POLR1C: variants seen among roughly 807,000 people sequenced by gnomAD.
The protein encoded by POLR1C is DNA-directed RNA polymerases I and III subunit RPAC1.
A neutral mutation model predicts 38.3 loss-of-function variants in POLR1C; 42 were observed. The ratio of observed to expected loss-of-function variants is 1.10; its 90% CI spans 0.86 to 1.42. The LOEUF is 1.42. POLR1C is among the 40% of genes most tolerant of loss of function. The probability of loss-of-function intolerance (pLI) is 0.00; values close to 1 mark genes in which losing one functional copy is unlikely to be tolerated. For missense variants in POLR1C, 507 were observed against 450.5 expected (o/e 1.13, Z -1.14); for synonymous variants, 163 against 163.9 (o/e 0.99, Z 0.04).
chr6:43,543,903 T>C (rs1357197723), intron 9 of POLR1C, among the ~76,000 whole-genome samples: 1 of 152,126 alleles, frequency 6.6e-6, no homozygotes, highest in Non-Finnish European at 1.5e-5. Flanking sequence ...TCTCGAACTG[T>C]TGACCTTAAG....
At chr6:43,523,690 AG>A, downstream of POLR1C, 2 of 948,244 alleles carry the variant, frequency 2.1e-6, no homozygotes, top group Non-Finnish European at 3.5e-6. Context: ...TTGATACTTT[AG>A]TATAATTACT....
chr6:43,532,962 T>C (rs551753065), downstream of POLR1C, among the ~76,000 whole-genome samples: 46 of 152,034 alleles, frequency 3.0e-4, no homozygotes, highest in Non-Finnish European at 6.2e-4. Flanking sequence ...CTAGCCAACA[T>C]GGTGAAACCC....
intron 10 of POLR1C, chr6:43,560,164 T>A: frequency 6.2e-7 from 1 of 1,611,184 alleles, no homozygotes; most frequent in Non-Finnish European, 8.5e-7. Flanking sequence ...CATGTTTAGA[T>A]TCCCATTATA....
intron 9 of POLR1C, among the ~76,000 whole-genome samples, chr6:43,535,949 CCTGTCT>C (rs1203165114): frequency 3.3e-5 from 5 of 151,738 alleles, no homozygotes; most frequent in Non-Finnish European, 7.4e-5. Context: ...ATGGTGAAAC[CCTGTCT>C]CTACTAAAAA....
intron 10 of POLR1C, chr6:43,560,828 C>T: frequency 1.9e-6 from 2 of 1,059,378 alleles, no homozygotes; most frequent in Non-Finnish European, 2.9e-6. Flanking sequence ...TGAAGAGTCA[C>T]ATTTTATACA....
intron 9 of POLR1C, among the ~76,000 whole-genome samples, chr6:43,549,225 C>A (rs1207957874): frequency 6.6e-6 from 1 of 152,100 alleles, no homozygotes; most frequent in Non-Finnish European, 1.5e-5. Context: ...CCATGCCCAG[C>A]TAATTTTTTT....
chr6:43,537,286 T>C (rs536052316), intron 9 of POLR1C, among the ~76,000 whole-genome samples: 1 of 152,250 alleles, frequency 6.6e-6, no homozygotes, highest in Non-Finnish European at 1.5e-5. Context: ...TTTTCTAACT[T>C]TCATTACTTC....
At chr6:43,518,042 C>T (rs1360060952) in intron 2 of POLR1C, among the ~76,000 whole-genome samples, 6 of 151,978 alleles carry the variant, frequency 3.9e-5, no homozygotes, top group African/African-American at 9.7e-5. Context: ...AAAATTATGG[C>T]TTGTGTGAAG....
Position 43,520,651 on chromosome 6 carries a change from G to C in POLR1C, c.682G>C (p.Val228Leu). ...CAAAGATCATGCCAAGTTTTCACCA[G>C]TGGCAACAGCCAGTTACAGGCTCCT... ...IGKDHAKFSP[V>L]ATASYRLLPD... Residue 228 changes from valine (V) to leucine (L), a missense_variant, in exon 7 of 9, where the codon GTG becomes CTG. Coordinates refer to ENST00000642195, the MANE Select transcript of POLR1C (RefSeq NM_203290.4). 1 of 1,614,180 alleles carries C rather than the reference G, an allele frequency of 6.2e-7. No individual in the cohort carries two copies.
downstream of POLR1C, chr6:43,529,729 G>A (rs1460879379): frequency 1.2e-5 from 2 of 160,294 alleles, no homozygotes; most frequent in East Asian, 1.9e-4. Flanking sequence ...AGACCACCCT[G>A]GGGAACATAA....
At position 43,527,795 on chromosome 6, in the gene POLR1C, G is replaced by T; in HGVS notation, c.923-1454G>T. ...GAAAAGGAAGGACAAGGAAAGCAGCGACCCTAATCAGACTCTCTCTGACCA... is the reference window on the plus strand; with the variant it reads ...GAAAAGGAAGGACAAGGAAAGCAGCTACCCTAATCAGACTCTCTCTGACCA... On this transcript the variant is annotated intron_variant, in intron 8 of 8. Coordinates refer to the POLR1C transcript ENST00000304004. 4 of 1,561,638 alleles carry T rather than the reference G, an allele frequency of 2.6e-6. No homozygotes were observed. In the South Asian group the frequency reaches 3.4e-5, roughly 13 times the overall value.
chr6:43,562,007 T>C (rs1762442805), exon 11 of POLR1C: 1 of 349,850 alleles, frequency 2.9e-6, no homozygotes, highest in Non-Finnish European at 5.1e-6. Flanking sequence ...GTTGACTTTA[T>C]GGAATAATAG....
At chr6:43,552,969 A>C (rs1795322161) in intron 10 of POLR1C, among the ~76,000 whole-genome samples, 1 of 150,188 alleles carries the variant, frequency 6.7e-6, no homozygotes, top group African/African-American at 2.5e-5. Flanking sequence ...AGCCTCTCTA[A>C]ATCTGTTTCC....
intron 9 of POLR1C, among the ~76,000 whole-genome samples, chr6:43,543,372 G>A (rs1364365509): frequency 6.6e-6 from 1 of 152,128 alleles, no homozygotes; most frequent in Non-Finnish European, 1.5e-5. Flanking sequence ...AGGACTGCTT[G>A]AGCCCATGAG....
rs1582236947 is a variant in POLR1C, at chr6:43,560,084, G to T, written c.*49-1316G>T. The T allele has an allele frequency of 2.8e-6, 4 of 1,448,584 alleles. No individual in the cohort carries two copies. The East Asian group carries it at 7.3e-5, about 26-fold the overall frequency. 89.7% of individuals were successfully genotyped at this position (1,448,584 alleles called of 1,614,324 possible). ...TCCTCCCGCCTCAGCCTTCCATAGA[G>T]CTGGGATTATAGGCGTGAGCCACCG... is the stretch of plus-strand genomic sequence containing the variant. On this transcript the variant is annotated intron_variant, in intron 10 of 10. Transcript: ENST00000607635.
chr6:43,526,164 A>C, downstream of POLR1C: 3 of 509,542 alleles, frequency 5.9e-6, no homozygotes, highest in Non-Finnish European at 7.0e-6. Context: ...AATGCTGCAA[A>C]TACTGAAGTT....
intron 2 of POLR1C, chr6:43,519,033 T>C (rs1792998587): frequency 2.1e-5 from 9 of 429,662 alleles, no homozygotes; most frequent in South Asian, 1.9e-4. Context: ...GTAAGAGGAC[T>C]GAGTAGTGTC....
chr6:43,526,856 A>C, intron 8 of POLR1C: 2 of 1,093,702 alleles, frequency 1.8e-6, no homozygotes, highest in Non-Finnish European at 2.7e-6. Flanking sequence ...AGGAAGGAGG[A>C]AGATGGGGGT....
downstream of POLR1C, chr6:43,533,884 A>G (rs753842110): frequency 7.9e-5 from 122 of 1,546,648 alleles, no homozygotes; most frequent in Admixed American, 2.0e-3. Context: ...AAACCTTAGG[A>G]GAAAAAAGGT....
Sources: gnomAD v4.1 joint callset for allele counts (sites outside exome capture counted in the v4.1 genomes callset) on GRCh38, gnomAD v4.1.1 for gene constraint, MANE v1.5 for transcripts, NCBI Gene and HGNC (gene_info 2026-07-23, HGNC 2026-07-21) for gene names.